TTC33: variants seen among roughly 807,000 people sequenced by gnomAD.
The protein encoded by TTC33 is tetratricopeptide repeat domain 33, also known as tetratricopeptide repeat protein 33.
A neutral mutation model predicts 29.4 loss-of-function variants in TTC33; 24 were observed. That is an observed-to-expected ratio of 0.82 (90% CI 0.59 to 1.15). TTC33 has a LOEUF of 1.15. TTC33 is among the 50% of genes most tolerant of loss of function. The pLI, the probability that TTC33 is intolerant of heterozygous loss-of-function variation, is 0.00. For synonymous variants in TTC33, 107 were observed against 100.3 expected, an observed-to-expected ratio of 1.07 and a Z score of -0.40; for missense variants, 286 against 310.4, an observed-to-expected ratio of 0.92 and a Z score of 0.59.
At chr5:40,741,820 C>G (rs1241514487) in intron 2 of TTC33, among the ~76,000 whole-genome samples, 1 of 152,138 alleles carries the variant, frequency 6.6e-6, no homozygotes, top group East Asian at 1.9e-4. Context: ...AAAACCCCAT[C>G]TCTACTAAAA....
intron 4 of TTC33, among the ~76,000 whole-genome samples, chr5:40,718,319 T>C (rs1214165661): frequency 1.3e-5 from 2 of 151,894 alleles, no homozygotes; most frequent in East Asian, 1.9e-4. Context: ...GGCAGGAAAA[T>C]TGTTTGAACC....
Position 40,713,729 on chromosome 5 carries a change from T to C in TTC33, c.*2416A>G, listed in dbSNP as rs1741943409. Reference sequence around the variant, plus strand: ...AGAATAATGTAAATTATAGTCAATATAACTTGAACAGTAAACAGTGTTATT... The same window carrying C: ...AGAATAATGTAAATTATAGTCAATACAACTTGAACAGTAAACAGTGTTATT... On this transcript the variant is annotated 3_prime_UTR_variant, in exon 5 of 5. Transcript: ENST00000337702. Among the ~76,000 whole-genome samples the C allele has an allele frequency of 1.3e-5, 2 of 152,192 alleles. No individual in the cohort carries two copies. Among genetic ancestry groups the C allele is most frequent in the African/African-American group, 4.8e-5 (2 of 41,448 alleles).
At chr5:40,738,444 A>AAATAAAATACAATAC (rs1742604925) in intron 2 of TTC33, among the ~76,000 whole-genome samples, 1 of 83,646 alleles carries the variant, frequency 1.2e-5, no homozygotes, top group Non-Finnish European at 2.3e-5. Flanking sequence ...ATATAAAATA[A>AAATAAAATACAATAC]AATACAATAC....
chr5:40,720,900 G>C (rs538027075), intron 4 of TTC33, among the ~76,000 whole-genome samples: 1 of 152,126 alleles, frequency 6.6e-6, no homozygotes, highest in African/African-American at 2.4e-5. Context: ...CAACTTCTAC[G>C]GTGGCTACAA....
chr5:40,730,208 C>A, intron 3 of TTC33, 54 bp downstream of exon 3: 1 of 1,397,964 alleles, frequency 7.2e-7, no homozygotes, highest in East Asian at 2.3e-5. Flanking sequence ...GCTCACTCAC[C>A]GAACAAACAT....
intron 4 of TTC33, among the ~76,000 whole-genome samples, chr5:40,727,326 T>C (rs766707322): frequency 1.3e-5 from 2 of 152,216 alleles, no homozygotes; most frequent in Non-Finnish European, 2.9e-5. Context: ...AATTTGGCAC[T>C]GTATATTAGA....
intron 4 of TTC33, 102 bp from the exon 5 acceptor site, chr5:40,716,600 C>G (rs1330047272): frequency 9.4e-6 from 7 of 742,162 alleles, no homozygotes; most frequent in Non-Finnish European, 1.5e-5. Flanking sequence ...CATACACATC[C>G]TAATGCATTA....
chr5:40,755,575 G>A (rs2067477341), intron 1 of TTC33, among the ~76,000 whole-genome samples: 1 of 152,190 alleles, frequency 6.6e-6, no homozygotes, highest in Non-Finnish European at 1.5e-5. Flanking sequence ...CGGCGGGCCC[G>A]ACCCTCAGAC....
intron 4 of TTC33, among the ~76,000 whole-genome samples, chr5:40,722,655 C>G (rs1261231755): frequency 6.7e-6 from 1 of 149,824 alleles, no homozygotes; most frequent in Admixed American, 6.6e-5. Context: ...GGAAGTGAGG[C>G]GTGTCTCCGC....
At chr5:40,719,212 C>T (rs958918514) in intron 4 of TTC33, among the ~76,000 whole-genome samples, 7 of 152,152 alleles carry the variant, frequency 4.6e-5, no homozygotes, top group African/African-American at 1.7e-4. Context: ...CTGGCAGTTA[C>T]TCCTCATTTC....
chr5:40,751,211 T>C (rs1561156387), intron 1 of TTC33, among the ~76,000 whole-genome samples: 1 of 151,840 alleles, frequency 6.6e-6, no homozygotes, highest in Non-Finnish European at 1.5e-5. Context: ...AAAGTGAAAA[T>C]TGCTCCTTGA....
chr5:40,749,812 A>G (rs1742860552), intron 1 of TTC33, among the ~76,000 whole-genome samples: 1 of 152,186 alleles, frequency 6.6e-6, no homozygotes, highest in Admixed American at 6.5e-5. Flanking sequence ...ATGCCTTGCT[A>G]GGTGCAGTGG....
intron 2 of TTC33, among the ~76,000 whole-genome samples, chr5:40,745,081 C>T (rs1488144370): frequency 6.6e-6 from 1 of 152,172 alleles, no homozygotes; most frequent in Non-Finnish European, 1.5e-5. Flanking sequence ...TTGGTCTGGA[C>T]TCTTCCAATA....
At chr5:40,735,834 G>T (rs1285450985) in intron 2 of TTC33, among the ~76,000 whole-genome samples, 2 of 152,264 alleles carry the variant, frequency 1.3e-5, no homozygotes, top group East Asian at 3.9e-4. Flanking sequence ...GTGATGACTG[G>T]ATTTGACAAC....
rs115645754 is a variant in TTC33, at chr5:40,749,731, A to G, written c.-1-2712T>C. 4.1e-3 allele frequency among the ~76,000 whole-genome samples: 630 copies of G among 152,374 alleles called. 1 individual carries two copies. The highest frequency in any genetic ancestry group is 0.013 in the African/African-American group (553 of 41,590). Reference sequence around the variant, plus strand: ...CACAAATGCTTTGGTCTCCCTATGCATATAAAAGTTATGTTTACACTATAC... The same window carrying G: ...CACAAATGCTTTGGTCTCCCTATGCGTATAAAAGTTATGTTTACACTATAC... On this transcript the variant is annotated intron_variant, in intron 1 of 4. Coordinates refer to ENST00000337702, the MANE Select transcript of TTC33 (RefSeq NM_012382.3).
In TTC33 at chr5:40,730,361, A is replaced by T. The variant is rs758980321; in HGVS notation, c.222-18T>A. 15 of 1,596,766 alleles carry T rather than the reference A, an allele frequency of 9.4e-6. No homozygotes were observed. The highest frequency in any genetic ancestry group is 1.1e-5 in the Non-Finnish European group (13 of 1,168,312). On this transcript the variant is annotated intron_variant, in intron 2 of 4. Transcript: ENST00000337702. ...CCCGATATCTGTGGTTGTTAAAGTT[A>T]TATCAATGCCATATTTTCAATATGC...
At chr5:40,746,505 T>C (rs1201596913) in intron 2 of TTC33, among the ~76,000 whole-genome samples, 1 of 152,192 alleles carries the variant, frequency 6.6e-6, no homozygotes, top group Non-Finnish European at 1.5e-5. Flanking sequence ...TCACTTGAAT[T>C]ACATTTTACT....
At position 40,727,255 on chromosome 5, in the gene TTC33, T is replaced by C. The variant is rs191704467; in HGVS notation, c.435+1090A>G. Among the ~76,000 whole-genome samples, 632 of 152,352 alleles carry C rather than the reference T, an allele frequency of 4.1e-3. 3 individuals carry two copies. The highest frequency in any genetic ancestry group is 0.015 in the African/African-American group (606 of 41,584). On this transcript the variant is annotated intron_variant, in intron 4 of 4. Coordinates refer to ENST00000337702, the MANE Select transcript of TTC33 (RefSeq NM_012382.3). ...TGCAAGAAACTTTTAAAATGTTTTA[T>C]TTTGAACTGTAAAAAATAAAACCAT...
Position 40,713,901 on chromosome 5 carries a change from C to T in TTC33, c.*2244G>A, listed in dbSNP as rs1741947158. On this transcript the variant is annotated 3_prime_UTR_variant, in exon 5 of 5. Transcript: ENST00000337702. Reference sequence around the variant, plus strand: ...TGTAAAATAATGGGTGCATTTTTCTCTTCACGCATAGAAGAGTATGAGCTA... The same window carrying T: ...TGTAAAATAATGGGTGCATTTTTCTTTTCACGCATAGAAGAGTATGAGCTA... Among the ~76,000 whole-genome samples, 1 of 152,178 alleles carries T rather than the reference C, an allele frequency of 6.6e-6. No individual in the cohort carries two copies. Among genetic ancestry groups the T allele is most frequent in the Non-Finnish European group, 1.5e-5 (1 of 68,012 alleles).
Sources: gnomAD v4.1 joint callset for allele counts (sites outside exome capture counted in the v4.1 genomes callset) on GRCh38, gnomAD v4.1.1 for gene constraint, MANE v1.5 for transcripts, NCBI Gene and HGNC (gene_info 2026-07-23, HGNC 2026-07-21) for gene names.